POLG2: variants seen among roughly 807,000 people sequenced by gnomAD.
POLG2 encodes DNA polymerase subunit gamma-2.
In POLG2, 50 loss-of-function variants were observed where a neutral mutation model predicts 56.5. That is an observed-to-expected ratio of 0.88 (90% CI 0.71 to 1.12). The LOEUF (loss-of-function observed/expected upper bound fraction) is 1.12, where lower values mean the gene tolerates loss of function less well. POLG2 is among the 50% of genes most tolerant of loss of function. The probability of loss-of-function intolerance (pLI) is 0.00; values close to 1 mark genes in which losing one functional copy is unlikely to be tolerated. For missense variants in POLG2, 584 were observed against 583.3 expected (o/e 1.00, Z -0.01); for synonymous variants, 226 against 222.6 (o/e 1.02, Z -0.14).
chr17:64,480,418 T>A (rs937225894), intron 6 of POLG2, 29 bp from the exon 7 acceptor site: 6 of 1,094,528 alleles, frequency 5.5e-6, no homozygotes, highest in Non-Finnish European at 8.4e-6. Flanking sequence ...ACTTCAAATA[T>A]GAAAGAAATA....
intron 7 of POLG2, 141 bp downstream of exon 7, chr17:64,480,148 T>C (rs2037832612): frequency 2.4e-5 from 6 of 255,094 alleles, no homozygotes; most frequent in Admixed American, 5.4e-5. Context: ...TAAATGCACA[T>C]AGTTCTGTAA....
chr17:64,485,678 A>C (rs782412727), intron 5 of POLG2, 50 bp downstream of exon 5: 10 of 1,446,444 alleles, frequency 6.9e-6, no homozygotes, highest in South Asian at 6.9e-5. Context: ...AAGAACAAAC[A>C]AACCCATATT....
At chr17:64,481,269 C>T (rs1200982823) in intron 6 of POLG2, 11 of 984,978 alleles carry the variant, frequency 1.1e-5, no homozygotes, top group East Asian at 1.1e-4. Flanking sequence ...GTGGGACATA[C>T]GCCATTATCT....
At chr17:64,481,167 A>C in intron 6 of POLG2, 1 of 551,886 alleles carries the variant, frequency 1.8e-6, no homozygotes, top group Non-Finnish European at 2.3e-6. Context: ...AAATCTCTCC[A>C]GACATTACTA....
chr17:64,485,874 C>A lies in POLG2; in HGVS notation c.970-6G>T, dbSNP rs2037942346. On this transcript the variant is annotated splice_region_variant and splice_polypyrimidine_tract_variant and intron_variant, in intron 4 of 7. Coordinates refer to ENST00000539111, the MANE Select transcript of POLG2 (RefSeq NM_007215.4). ...TTTTTTCGTCCATCTCGGCCCTTCA[C>A]AGAAAAACAGAAGAAAAATAATCAT... The A allele has an allele frequency of 1.2e-6, 2 of 1,613,652 alleles. No homozygotes were observed. The highest frequency in any genetic ancestry group is 1.1e-5 in the South Asian group (1 of 91,076).
intron 4 of POLG2, among the ~76,000 whole-genome samples, chr17:64,486,538 AT>A (rs1300574037): frequency 3.3e-5 from 5 of 151,706 alleles, no homozygotes; most frequent in Non-Finnish European, 1.5e-5. Context: ...ATTTTTTTCT[AT>A]TTTTAGTAGG....
chr17:64,493,863 A>G lies in POLG2; in HGVS notation c.563-842T>C, dbSNP rs558097953. 2.0e-5 allele frequency among the ~76,000 whole-genome samples: 3 copies of G among 152,290 alleles called. No individual in the cohort carries two copies. The East Asian group carries it at 5.8e-4, about 29-fold the overall frequency. The stretch of plus-strand genomic sequence containing the variant: ...ATGAACACTTGTATACCCTTTACCT[A>G]GATTCATCAATTATCAACATTTTGC... On this transcript the variant is annotated intron_variant, in intron 1 of 7. Coordinates refer to ENST00000539111, the MANE Select transcript of POLG2 (RefSeq NM_007215.4).
At position 64,496,843 on chromosome 17, in the gene POLG2, C is replaced by A. The variant is rs1555669651; in HGVS notation, c.126G>T (p.Gly42=). The A allele has an allele frequency of 2.5e-6, 4 of 1,613,852 alleles. No homozygotes were observed. The highest frequency in any genetic ancestry group is 2.5e-6 in the Non-Finnish European group (3 of 1,180,042). The change falls in exon 1 of 8, where the codon GGG becomes GGT. Residue 42 remains glycine (G), a synonymous_variant. Coordinates refer to ENST00000539111, the MANE Select transcript of POLG2 (RefSeq NM_007215.4). ...CGAGCTCCGCGTGCGACTTCACATG[C>A]CCTCCTTTGGGGCTACTCCTTTCCG... ...LLTERSSPKG[G]HVKSHAELEG...
intron 4 of POLG2, 44 bp from the exon 5 acceptor site, chr17:64,485,912 T>C: frequency 1.9e-6 from 3 of 1,604,352 alleles, no homozygotes; most frequent in Non-Finnish European, 2.6e-6. Flanking sequence ...CACAGAACTT[T>C]TTTTGTTTGT....
chr17:64,479,853 T>C lies in POLG2; in HGVS notation c.1292+436A>G, dbSNP rs574061758. Among the ~76,000 whole-genome samples the C allele has an allele frequency of 1.1e-4, 17 of 152,288 alleles. No individual in the cohort carries two copies. In the South Asian group the frequency reaches 3.1e-3, roughly 28 times the overall value. On this transcript the variant is annotated intron_variant, in intron 7 of 7. Coordinates refer to ENST00000539111, the MANE Select transcript of POLG2 (RefSeq NM_007215.4). The stretch of plus-strand genomic sequence containing the variant: ...TAGCCAGTTTCTCTGTCTTGAGCAA[T>C]TGGGTGAACAGAGGTGCCAATCCCT...
intron 3 of POLG2, chr17:64,491,385 A>T: frequency 1.7e-6 from 1 of 584,112 alleles, no homozygotes; most frequent in South Asian, 2.0e-5. Context: ...ACTTGAGCTT[A>T]GGACTTCGAG....
intron 4 of POLG2, among the ~76,000 whole-genome samples, chr17:64,488,963 A>T (rs953724967): frequency 5.9e-5 from 9 of 151,896 alleles, no homozygotes; most frequent in Admixed American, 2.6e-4. Context: ...AAAAAATAAA[A>T]ATTAATCTAC....
chr17:64,486,760 T>G (rs1315081605), intron 4 of POLG2: 2 of 152,118 alleles, frequency 1.3e-5, no homozygotes, highest in African/African-American at 4.8e-5. Context: ...GGGTTTGGAG[T>G]ATAATTTTCT....
At chr17:64,488,306 T>C (rs1185505429) in intron 4 of POLG2, among the ~76,000 whole-genome samples, 1 of 152,160 alleles carries the variant, frequency 6.6e-6, no homozygotes, top group African/African-American at 2.4e-5. Context: ...CAACTAATGA[T>C]AAATAATTTT....
chr17:64,484,489 T>A (rs1555667095), intron 5 of POLG2, among the ~76,000 whole-genome samples: 1 of 152,140 alleles, frequency 6.6e-6, no homozygotes, highest in East Asian at 1.9e-4. Context: ...GATGAGAAGC[T>A]TTCCTGGAGT....
At position 64,494,944 on chromosome 17, in the gene POLG2, C is replaced by T. The variant is rs373001227; in HGVS notation, c.562+1463G>A. 3.0e-3 allele frequency among the ~76,000 whole-genome samples: 456 copies of T among 149,904 alleles called. 2 individuals are homozygous for T. Among genetic ancestry groups the T allele is most frequent in the African/African-American group, 0.011 (443 of 40,778 alleles). Reference sequence around the variant, plus strand: ...ATCCCAGCACTTTGGGAGGCCGAGGCGGGCGGATCACAAGGTCAGGAGATA... The same window carrying T: ...ATCCCAGCACTTTGGGAGGCCGAGGTGGGCGGATCACAAGGTCAGGAGATA... On this transcript the variant is annotated intron_variant, in intron 1 of 7. Transcript: ENST00000539111.
chr17:64,485,266 G>A, intron 5 of POLG2: 1 of 171,516 alleles, frequency 5.8e-6, no homozygotes, highest in Non-Finnish European at 1.2e-5. Flanking sequence ...GCATGTTCAT[G>A]CACTAAAATC....
At chr17:64,482,693 T>G (rs1255744126) in intron 6 of POLG2, among the ~76,000 whole-genome samples, 1 of 152,138 alleles carries the variant, frequency 6.6e-6, no homozygotes, top group African/African-American at 2.4e-5. Context: ...AGAGTAAGGG[T>G]TAGGTTGAGC....
chr17:64,481,199 T>C (rs1555666432), intron 6 of POLG2: 1 of 806,252 alleles, frequency 1.2e-6, no homozygotes, highest in African/African-American at 1.9e-5. Context: ...AGCTACAGCA[T>C]CCTAGGAGCT....
Sources: gnomAD v4.1 joint callset for allele counts (sites outside exome capture counted in the v4.1 genomes callset) on GRCh38, gnomAD v4.1.1 for gene constraint, MANE v1.5 for transcripts, NCBI Gene and HGNC (gene_info 2026-07-23, HGNC 2026-07-21) for gene names.